PPP1R16B: variants seen among roughly 807,000 people sequenced by gnomAD.
PPP1R16B encodes protein phosphatase 1 regulatory subunit 16B, also known as protein phosphatase 1 regulatory inhibitor subunit 16B.
In PPP1R16B, 14 loss-of-function variants were observed where a neutral mutation model predicts 61.7. The observed-to-expected ratio is 0.23, with a 90% CI of 0.15 to 0.35. PPP1R16B has a LOEUF of 0.35. Ranked by LOEUF, PPP1R16B falls within the 10% of genes least tolerant of loss-of-function variation. The pLI is 1.00. For missense variants in PPP1R16B, 547 were observed against 752.5 expected (o/e 0.73, Z 3.19); for synonymous variants, 266 against 305.3 (o/e 0.87, Z 1.34).
rs556872928 is a variant in PPP1R16B at position 38,891,970 on chromosome 20, G to GTGGC, written c.321+2307_321+2308insGCTG. Among the ~76,000 whole-genome samples the GTGGC allele has an allele frequency of 5.0e-3, 758 of 152,318 alleles. 4 individuals are homozygous for GTGGC. Among genetic ancestry groups the GTGGC allele is most frequent in the African/African-American group, 0.017 (708 of 41,566 alleles). ...CCACAGCACTCGAAATGTGGCTGAT[G>GTGGC]TGACTGAGGAAATGGATTTTGAAGT... On this transcript the variant is annotated intron_variant, in intron 3 of 10. Transcript: ENST00000299824.
Position 38,890,130 on chromosome 20 carries a change from C to G in PPP1R16B, c.321+465C>G, listed in dbSNP as rs544370063. ...TCCTTTCCAAGGCAGAGTGATGGGT[C>G]CAGCCCTCCCTGCTGGGGATGGCTT... On this transcript the variant is annotated intron_variant, in intron 3 of 10. Coordinates refer to ENST00000299824, the MANE Select transcript of PPP1R16B (RefSeq NM_015568.4). Among the ~76,000 whole-genome samples, 8 of 152,298 alleles carry G rather than the reference C, an allele frequency of 5.3e-5. 1 individual carries two copies. In the South Asian group the frequency reaches 1.7e-3, roughly 32 times the overall value.
chr20:38,901,962 T>TG (rs2145774074), intron 5 of PPP1R16B, among the ~76,000 whole-genome samples: 1 of 152,366 alleles, frequency 6.6e-6, no homozygotes, highest in Non-Finnish European at 1.5e-5. Context: ...TAAAGCTTAG[T>TG]CAAAAGAAAT....
chr20:38,860,608 G>A (rs1049963538), intron 2 of PPP1R16B, among the ~76,000 whole-genome samples: 7 of 152,154 alleles, frequency 4.6e-5, no homozygotes, highest in Non-Finnish European at 7.4e-5. Flanking sequence ...AGTTCAGCCC[G>A]CATTCCACTG....
At chr20:38,898,493 A>G (rs1432966281) in intron 4 of PPP1R16B, among the ~76,000 whole-genome samples, 1 of 152,110 alleles carries the variant, frequency 6.6e-6, no homozygotes, top group African/African-American at 2.4e-5. Flanking sequence ...TATGAATTTT[A>G]GAGTAAGCTA....
chr20:38,842,743 C>T (rs1238445643), intron 2 of PPP1R16B, among the ~76,000 whole-genome samples: 2 of 151,868 alleles, frequency 1.3e-5, no homozygotes, highest in African/African-American at 2.4e-5. Flanking sequence ...CCACCACCAT[C>T]TTAAACCAGC....
intron 2 of PPP1R16B, among the ~76,000 whole-genome samples, chr20:38,845,321 C>T (rs1256216904): frequency 6.6e-6 from 1 of 152,088 alleles, no homozygotes; most frequent in Non-Finnish European, 1.5e-5. Context: ...GTGGCTCATG[C>T]CTGTAATCCT....
intron 1 of PPP1R16B, among the ~76,000 whole-genome samples, chr20:38,813,086 C>A (rs1249136504): frequency 6.6e-6 from 1 of 152,218 alleles, no homozygotes; most frequent in Non-Finnish European, 1.5e-5. Context: ...AGCATGAAAG[C>A]AAATGCAGCC....
intron 4 of PPP1R16B, among the ~76,000 whole-genome samples, chr20:38,900,363 T>C: frequency 6.6e-6 from 1 of 152,190 alleles, no homozygotes; most frequent in East Asian, 1.9e-4. Flanking sequence ...CCTGGGACTT[T>C]GGTCTCTTCC....
At chr20:38,832,671 C>T (rs1019359471) in intron 1 of PPP1R16B, among the ~76,000 whole-genome samples, 2 of 152,086 alleles carry the variant, frequency 1.3e-5, no homozygotes, top group Non-Finnish European at 2.9e-5. Context: ...GTAATCTGAG[C>T]ACTTTGGGAG....
At position 38,834,752 on chromosome 20, in the gene PPP1R16B, A is replaced by G. The variant is rs183673846; in HGVS notation, c.-101-1073A>G. Among the ~76,000 whole-genome samples the G allele has an allele frequency of 2.3e-3, 352 of 152,212 alleles. 4 individuals are homozygous for G. Among genetic ancestry groups the G allele is most frequent in the African/African-American group, 8.1e-3 (337 of 41,550 alleles). On this transcript the variant is annotated intron_variant, in intron 1 of 10. Transcript: ENST00000299824. ...ATAGCATTAATTCCTTTAAGATAAA[A>G]CCATAAACCCATGATATATTATAAC...
chr20:38,823,808 A>G (rs2084787470), intron 1 of PPP1R16B, among the ~76,000 whole-genome samples: 1 of 152,214 alleles, frequency 6.6e-6, no homozygotes, highest in South Asian at 2.1e-4. Flanking sequence ...CTCCAACAGT[A>G]AGGGAAGTTA....
chr20:38,895,461 A>T lies in PPP1R16B; in HGVS notation c.322-104A>T. The T allele has an allele frequency of 1.2e-5, 16 of 1,342,116 alleles. No homozygotes were observed. The South Asian group carries it at 2.1e-4, about 17-fold the overall frequency. 83.1% of individuals were successfully genotyped at this position (1,342,116 alleles called of 1,614,324 possible). A position where few individuals can be genotyped will look rare whatever the true frequency, so the allele number is the denominator to read the frequency against. On this transcript the variant is annotated intron_variant, in intron 3 of 10. Transcript: ENST00000299824. ...GGAGCTGGATTCAAACAGGCCTTCC[A>T]CAGTCTTCCTCATGGCCTCTTGCGG...
chr20:38,895,897 C>CCTT (rs1568678966), intron 4 of PPP1R16B, among the ~76,000 whole-genome samples, 187 bp downstream of exon 4: 1 of 53,344 alleles, frequency 1.9e-5, no homozygotes, highest in African/African-American at 1.0e-4. Context: ...TTCCCTCCCT[C>CCTT]CCTCCTTCCT....
intron 4 of PPP1R16B, among the ~76,000 whole-genome samples, chr20:38,898,996 C>A (rs1160565926): frequency 6.6e-6 from 1 of 152,122 alleles, no homozygotes; most frequent in East Asian, 1.9e-4. Flanking sequence ...TTTTAAGTAC[C>A]AGAGCTGAGA....
intron 2 of PPP1R16B, among the ~76,000 whole-genome samples, chr20:38,871,167 C>T (rs1240410363): frequency 6.6e-6 from 1 of 152,188 alleles, no homozygotes; most frequent in East Asian, 1.9e-4. Flanking sequence ...CCTGGCCAAC[C>T]TCCTGGAGCT....
chr20:38,902,186 A>ACATT (rs1601305079), intron 5 of PPP1R16B, among the ~76,000 whole-genome samples: 1 of 152,258 alleles, frequency 6.6e-6, no homozygotes, highest in South Asian at 2.1e-4. Context: ...TGAAAGTAAT[A>ACATT]CATTCATTCA....
In PPP1R16B at chr20:38,918,201, C is replaced by G. The variant is rs187754356; in HGVS notation, c.1239C>G (p.Thr413=). The part of the protein sequence containing the change: ...EKPVLLSEFP[T]KIPRGELDMP... ...CCGTGCTACTCTCCGAATTTCCTAC[C>G]AAGATCCCACGAGGTGAACTGGACA... Residue 413 remains threonine (T), a synonymous_variant, in exon 11 of 11, where the codon ACC becomes ACG. Transcript: ENST00000299824. The surrounding 1 kb of genome is among the most constrained non-coding windows in gnomAD (Gnocchi z 5.3). 5 of 1,614,254 alleles carry G rather than the reference C, an allele frequency of 3.1e-6. No individual in the cohort carries two copies. The African/African-American group carries it at 5.3e-5, about 17-fold the overall frequency.
chr20:38,852,099 C>A (rs1005299213), intron 2 of PPP1R16B, among the ~76,000 whole-genome samples: 5 of 152,276 alleles, frequency 3.3e-5, no homozygotes, highest in African/African-American at 1.2e-4. Flanking sequence ...GCTAGGAGAT[C>A]ATTTATGAAC....
At chr20:38,831,160 G>A (rs1432962317) in intron 1 of PPP1R16B, among the ~76,000 whole-genome samples, 1 of 152,240 alleles carries the variant, frequency 6.6e-6, no homozygotes, top group African/African-American at 2.4e-5. Context: ...GCCGGTGTCT[G>A]TTCTTGGGGT....
Sources: allele counts gnomAD v4.1 joint callset (sites outside exome capture counted in the v4.1 genomes callset), GRCh38; gene constraint gnomAD v4.1.1; non-coding constraint Gnocchi (gnomAD v3.1); transcripts MANE v1.5; gene names NCBI Gene and HGNC (gene_info 2026-07-23, HGNC 2026-07-21).